The following FYN variants were observed in gnomAD, a reference collection of about 807,000 sequenced individuals.
The protein encoded by FYN is tyrosine-protein kinase Fyn.
A neutral mutation model predicts 70.2 loss-of-function variants in FYN; 10 were observed. The ratio of observed to expected loss-of-function variants is 0.14; its 90% CI spans 0.09 to 0.24. FYN has a LOEUF of 0.24. FYN is among the 10% of genes least tolerant of loss of function. The pLI is 1.00. For synonymous variants in FYN, 236 were observed against 248.6 expected (o/e 0.95, Z 0.48); for missense variants, 319 against 673.1 (o/e 0.47, Z 5.82).
chr6:111,783,445 G>T (rs770960837), intron 2 of FYN, among the ~76,000 whole-genome samples: 2 of 152,118 alleles, frequency 1.3e-5, no homozygotes, highest in Non-Finnish European at 2.9e-5. Flanking sequence ...TTCTTTTTGA[G>T]ACACACCAGA....
chr6:111,723,387 C>A (rs1801043882), intron 3 of FYN, among the ~76,000 whole-genome samples: 1 of 152,072 alleles, frequency 6.6e-6, no homozygotes, highest in Admixed American at 6.5e-5. Context: ...TAAAAATAAT[C>A]AAAATCATTT....
At chr6:111,718,444 G>A (rs565935577) in intron 4 of FYN, among the ~76,000 whole-genome samples, 1 of 152,288 alleles carries the variant, frequency 6.6e-6, no homozygotes, top group African/African-American at 2.4e-5. Context: ...AGACCCACAT[G>A]CTCAACACAA....
chr6:111,665,345 A>T (rs1427519554), intron 13 of FYN, among the ~76,000 whole-genome samples: 3 of 151,944 alleles, frequency 2.0e-5, no homozygotes, highest in African/African-American at 4.8e-5. Context: ...TGGTTTTTTT[A>T]AATAATTTTT....
intron 3 of FYN, among the ~76,000 whole-genome samples, chr6:111,733,678 T>C (rs140306430): frequency 4.0e-4 from 61 of 152,352 alleles, no homozygotes; most frequent in Admixed American, 7.2e-4. Flanking sequence ...TCTGAAGTTC[T>C]GGAGCCCAGT....
At chr6:111,680,627 C>T (rs1364759024) in intron 12 of FYN, among the ~76,000 whole-genome samples, 1 of 152,180 alleles carries the variant, frequency 6.6e-6, no homozygotes, top group Non-Finnish European at 1.5e-5. Context: ...TCAAAAGCAT[C>T]GTGACATTTC....
rs145274265 is a variant in FYN at position 111,831,085 on chromosome 6, T to C, written c.-82+15504A>G. Among the ~76,000 whole-genome samples the C allele has an allele frequency of 1.1e-3, 173 of 152,288 alleles. 1 individual carries two copies. Among genetic ancestry groups the C allele is most frequent in the African/African-American group, 3.9e-3 (162 of 41,570 alleles). Reference sequence around the variant, plus strand: ...CATTCTGTATCAGTGTGCGTATACATGTACAGGTTTCTGTGGGGGAAGATT... The same window carrying C: ...CATTCTGTATCAGTGTGCGTATACACGTACAGGTTTCTGTGGGGGAAGATT... On this transcript the variant is annotated intron_variant, in intron 2 of 13. Transcript: ENST00000354650.
At chr6:111,667,248 A>T (rs1273569581) in intron 13 of FYN, among the ~76,000 whole-genome samples, 2 of 151,590 alleles carry the variant, frequency 1.3e-5, no homozygotes, top group Non-Finnish European at 2.9e-5. Context: ...TTGAAAAAAA[A>T]TTTTTTAAGG....
intron 2 of FYN, among the ~76,000 whole-genome samples, chr6:111,837,276 G>GT (rs1554294928): frequency 2.6e-5 from 4 of 152,052 alleles, no homozygotes; most frequent in African/African-American, 9.7e-5. Flanking sequence ...AGAAAAAAAT[G>GT]TTTTTTCCCT....
At chr6:111,668,727 C>T (rs1362061852) in intron 13 of FYN, among the ~76,000 whole-genome samples, 1 of 152,126 alleles carries the variant, frequency 6.6e-6, no homozygotes, top group Non-Finnish European at 1.5e-5. Flanking sequence ...GACAGCATGA[C>T]CTCTGGGCAT....
intron 1 of FYN, among the ~76,000 whole-genome samples, chr6:111,865,504 C>T (rs1286894453): frequency 1.3e-5 from 2 of 152,170 alleles, no homozygotes; most frequent in African/African-American, 2.4e-5. Context: ...AGGATTACTG[C>T]GTTCTAATCA....
At chr6:111,867,572 C>A (rs1774150922) in intron 1 of FYN, among the ~76,000 whole-genome samples, 1 of 150,872 alleles carries the variant, frequency 6.6e-6, no homozygotes, top group South Asian at 2.1e-4. Context: ...AAGATAAAGT[C>A]ATCGCTTAGA....
chr6:111,788,278 C>T (rs1286434621), intron 2 of FYN, among the ~76,000 whole-genome samples: 1 of 152,242 alleles, frequency 6.6e-6, no homozygotes, highest in Non-Finnish European at 1.5e-5. Context: ...CCATTGGCAC[C>T]TTGTCTGACC....
intron 3 of FYN, among the ~76,000 whole-genome samples, chr6:111,729,761 C>T (rs1346706710): frequency 6.6e-6 from 1 of 152,126 alleles, no homozygotes; most frequent in Admixed American, 6.6e-5. Flanking sequence ...ATGATTGCAA[C>T]TATATAACAA....
chr6:111,700,083 A>G, intron 9 of FYN, 21 bp downstream of exon 9: 2 of 1,611,298 alleles, frequency 1.2e-6, no homozygotes, highest in Non-Finnish European at 1.7e-6. Flanking sequence ...CTAATAAGAG[A>G]GTAATTGAGT....
At chr6:111,861,488 A>G (rs1773960928) in intron 1 of FYN, among the ~76,000 whole-genome samples, 1 of 152,114 alleles carries the variant, frequency 6.6e-6, no homozygotes, top group Admixed American at 6.5e-5. Context: ...TTAAGCAAGG[A>G]AAAAAAATCC....
At chr6:111,762,974 CCTT>C (rs1038695440) in intron 3 of FYN, among the ~76,000 whole-genome samples, 1 of 152,200 alleles carries the variant, frequency 6.6e-6, no homozygotes, top group African/African-American at 2.4e-5. Context: ...CTCTCCAAAG[CCTT>C]CTTCTTGGAG....
intron 2 of FYN, among the ~76,000 whole-genome samples, chr6:111,810,525 C>T (rs1422342601): frequency 3.3e-5 from 5 of 152,192 alleles, no homozygotes; most frequent in Non-Finnish European, 7.3e-5. Context: ...CCTGTTTCAT[C>T]CCAAGTCACC....
At chr6:111,703,615 G>A (rs71562302) in intron 7 of FYN, among the ~76,000 whole-genome samples, 82 of 152,330 alleles carry the variant, frequency 5.4e-4, no homozygotes, top group Middle Eastern at 3.4e-3. Flanking sequence ...ACAGTTGGAG[G>A]AAGAGAAGTG....
intron 2 of FYN, among the ~76,000 whole-genome samples, chr6:111,787,949 G>A (rs561592342): frequency 5.3e-5 from 8 of 152,210 alleles, no homozygotes; most frequent in African/African-American, 1.9e-4. Flanking sequence ...CACATCAGCC[G>A]TATCTTTCAT....
Sources: gnomAD v4.1 joint callset for allele counts (sites outside exome capture counted in the v4.1 genomes callset) on GRCh38, gnomAD v4.1.1 for gene constraint, MANE v1.5 for transcripts, NCBI Gene and HGNC (gene_info 2026-07-23, HGNC 2026-07-21) for gene names.